The following KCNMB2 variants were observed in gnomAD, a reference collection of about 807,000 sequenced individuals.
KCNMB2 encodes calcium-activated potassium channel subunit beta-2.
A neutral mutation model predicts 24.5 loss-of-function variants in KCNMB2; 9 were observed. That is an observed-to-expected ratio of 0.37 (90% CI 0.22 to 0.64). KCNMB2 has a LOEUF of 0.64. Ranked by LOEUF, KCNMB2 falls within the 30% of genes least tolerant of loss-of-function variation. The pLI is 0.63. For missense variants in KCNMB2, 226 were observed against 284.3 expected (o/e 0.79, Z 1.47); for synonymous variants, 109 against 104.4 (o/e 1.04, Z -0.27).
At chr3:178,822,480 A>G (rs1435646609) in intron 2 of KCNMB2, among the ~76,000 whole-genome samples, 1 of 152,220 alleles carries the variant, frequency 6.6e-6, no homozygotes, top group Admixed American at 6.5e-5. Flanking sequence ...CCTTTGGGGC[A>G]GGGGCCATAT....
chr3:178,598,906 C>G (rs145280694), intron 1 of KCNMB2, among the ~76,000 whole-genome samples: 5 of 152,168 alleles, frequency 3.3e-5, no homozygotes, highest in African/African-American at 1.2e-4. Context: ...TACTCAGAAC[C>G]CAACCCAAAA....
chr3:178,835,715 T>C (rs76658010), intron 4 of KCNMB2, among the ~76,000 whole-genome samples: 2 of 150,764 alleles, frequency 1.3e-5, no homozygotes, highest in Non-Finnish European at 3.0e-5. Flanking sequence ...CATTTTTGGT[T>C]TTTGTTTGTT....
chr3:178,814,436 A>T (rs1010651118), intron 2 of KCNMB2, among the ~76,000 whole-genome samples: 1 of 152,226 alleles, frequency 6.6e-6, no homozygotes, highest in Non-Finnish European at 1.5e-5. Flanking sequence ...ATATGAGTGC[A>T]GATATTCTTT....
At chr3:178,655,250 ATT>A (rs2108564627) in intron 1 of KCNMB2, among the ~76,000 whole-genome samples, 1 of 152,220 alleles carries the variant, frequency 6.6e-6, no homozygotes, top group East Asian at 1.9e-4. Flanking sequence ...TTCAGTATTA[ATT>A]TTAATTCTCT....
Position 178,652,074 on chromosome 3 carries a change from A to T in KCNMB2, c.-68+115363A>T, listed in dbSNP as rs1487601870. On this transcript the variant is annotated intron_variant, in intron 1 of 4. Transcript: ENST00000452583. ...ACAAAATCCAAAATTGACAAATGGG[A>T]TCTAAATAAACTAAAGAACTTCTGC... Among the ~76,000 whole-genome samples, 5 of 150,596 alleles carry T rather than the reference A, an allele frequency of 3.3e-5. No homozygotes were observed. In the East Asian group the frequency reaches 7.8e-4, roughly 23 times the overall value.
chr3:178,670,006 A>C (rs1424944421), intron 1 of KCNMB2, among the ~76,000 whole-genome samples: 2 of 152,114 alleles, frequency 1.3e-5, no homozygotes, highest in Non-Finnish European at 2.9e-5. Flanking sequence ...TGACTAGAAA[A>C]TACATATACA....
At chr3:178,676,911 C>G (rs1446778413) in intron 1 of KCNMB2, among the ~76,000 whole-genome samples, 1 of 152,112 alleles carries the variant, frequency 6.6e-6, no homozygotes, top group African/African-American at 2.4e-5. Flanking sequence ...GTGTGGAAGG[C>G]CTAATCCCCG....
At position 178,635,217 on chromosome 3, in the gene KCNMB2, C is replaced by G. The variant is rs111352469; in HGVS notation, c.-68+98506C>G. ...CCAAAATACCAGCCAGAGGAGGACA[C>G]TTTACCAACCTGCTTGAACTAAGAA... On this transcript the variant is annotated intron_variant, in intron 1 of 4. Transcript: ENST00000452583. Among the ~76,000 whole-genome samples, 15 of 152,256 alleles carry G rather than the reference C, an allele frequency of 9.9e-5. 1 individual carries two copies. Among genetic ancestry groups the G allele is most frequent in the African/African-American group, 3.6e-4 (15 of 41,548 alleles).
intron 1 of KCNMB2, among the ~76,000 whole-genome samples, chr3:178,724,485 T>C (rs923128432): frequency 6.6e-6 from 1 of 152,150 alleles, no homozygotes; most frequent in Non-Finnish European, 1.5e-5. Context: ...TTTCTTTTGT[T>C]GTACAGAAGC....
chr3:178,756,893 C>T (rs7647997), intron 1 of KCNMB2, among the ~76,000 whole-genome samples: 108,634 of 151,770 alleles, frequency 0.72, 40,072 homozygotes, highest in African/African-American at 0.92. Context: ...CACAGCTTTC[C>T]TGAGCTTAAA....
chr3:178,823,875 G>C (rs1714729710), intron 2 of KCNMB2, among the ~76,000 whole-genome samples: 1 of 151,930 alleles, frequency 6.6e-6, no homozygotes, highest in Non-Finnish European at 1.5e-5. Flanking sequence ...TGAAAAATCT[G>C]AAGTTATTCT....
chr3:178,747,713 T>A (rs1255219689), intron 1 of KCNMB2, among the ~76,000 whole-genome samples: 1 of 152,198 alleles, frequency 6.6e-6, no homozygotes, highest in Admixed American at 6.5e-5. Context: ...TTTCTCAACC[T>A]CACTGTTACT....
In KCNMB2 at chr3:178,817,218, T is replaced by TATATATATATATATATATATACATAC. The variant is rs147866886; in HGVS notation, c.57-8361_57-8360insTATATATATATACATACATATATATA. Among the ~76,000 whole-genome samples the TATATATATATATATATATATACATAC allele has an allele frequency of 1.2e-4, 16 of 134,924 alleles. 1 individual carries two copies. The highest frequency in any genetic ancestry group is 5.3e-4 in the African/African-American group (16 of 30,030). 88.5% of individuals were successfully genotyped at this position (134,924 alleles called of 152,430 possible). A position where few individuals can be genotyped will look rare whatever the true frequency, so the allele number is the denominator to read the frequency against. On this transcript the variant is annotated intron_variant, in intron 2 of 4. Transcript: ENST00000452583. Reference sequence around the variant, plus strand: ...GACAAAATCCTTCATGTTAATGACATATATATATAAATGAAGTGTGACTGT... The same window carrying TATATATATATATATATATATACATAC: ...GACAAAATCCTTCATGTTAATGACATATATATATATATATATATATACATACATATATATAAATGAAGTGTGACTGT...
intron 1 of KCNMB2, among the ~76,000 whole-genome samples, chr3:178,614,287 A>ATGTATG (rs1339066467): frequency 8.1e-5 from 6 of 74,510 alleles, no homozygotes; most frequent in Admixed American, 3.2e-4. Context: ...ATATATATAT[A>ATGTATG]TATATATATG....
chr3:178,765,636 C>CATGTGTTCCTGTCCATGTGT (rs1560012565), intron 1 of KCNMB2, among the ~76,000 whole-genome samples: 11 of 151,558 alleles, frequency 7.3e-5, no homozygotes, highest in Non-Finnish European at 1.0e-4. Context: ...TGTGCACGCG[C>CATGTGTTCCTGTCCATGTGT]GTGTGCATGT....
intron 1 of KCNMB2, among the ~76,000 whole-genome samples, chr3:178,774,294 G>C (rs1712490479): frequency 6.6e-6 from 1 of 152,122 alleles, no homozygotes; most frequent in African/African-American, 2.4e-5. Flanking sequence ...TCTTTGGACT[G>C]AGCCTTGGAA....
chr3:178,576,609 C>T (rs989224744), intron 1 of KCNMB2, among the ~76,000 whole-genome samples: 12 of 152,292 alleles, frequency 7.9e-5, no homozygotes, highest in African/African-American at 2.9e-4. Flanking sequence ...ATTCTTGCTG[C>T]CAGCACAGCA....
chr3:178,773,009 CA>C lies in KCNMB2; in HGVS notation c.-67-34324del, dbSNP rs919701537. Among the ~76,000 whole-genome samples, 8 of 147,188 alleles carry C rather than the reference CA, an allele frequency of 5.4e-5. No individual in the cohort carries two copies. In the East Asian group the frequency reaches 5.9e-4, roughly 11 times the overall value. Reference sequence around the variant, plus strand: ...TCTGAGTTTTTCCTGTTGACAGTTTCAAAAAAAAAAGAAGTTATCTATTACT... The same window carrying C: ...TCTGAGTTTTTCCTGTTGACAGTTTCAAAAAAAAAGAAGTTATCTATTACT... On this transcript the variant is annotated intron_variant, in intron 1 of 4. Transcript: ENST00000452583.
chr3:178,717,060 A>T (rs2108354694), intron 1 of KCNMB2, among the ~76,000 whole-genome samples: 1 of 152,336 alleles, frequency 6.6e-6, no homozygotes, highest in African/African-American at 2.4e-5. Context: ...CTTAAAAAAA[A>T]AAAAAAGGAT....
Sources: gnomAD v4.1 joint callset for allele counts (sites outside exome capture counted in the v4.1 genomes callset) on GRCh38, gnomAD v4.1.1 for gene constraint, MANE v1.5 for transcripts, NCBI Gene and HGNC (gene_info 2026-07-23, HGNC 2026-07-21) for gene names.